The following CTNNA3 variants were observed in gnomAD, a reference collection of about 807,000 sequenced individuals.
CTNNA3 encodes the protein catenin alpha 3, also known as catenin alpha-3.
In CTNNA3, 76 loss-of-function variants were observed where a neutral mutation model predicts 95.7. That is an observed-to-expected ratio of 0.79 (90% CI 0.66 to 0.96). The LOEUF is 0.96. CTNNA3 is among the 40% of genes least tolerant of loss of function. CTNNA3 has a pLI of 0.00. For synonymous variants in CTNNA3, 431 were observed against 374.4 expected (o/e 1.15, Z -1.74); for missense variants, 1,191 against 1,089.8 (o/e 1.09, Z -1.31).
At chr10:67,733,043 G>A (rs1217753388) in intron 1 of CTNNA3, among the ~76,000 whole-genome samples, 1 of 152,196 alleles carries the variant, frequency 6.6e-6, no homozygotes, top group Admixed American at 6.6e-5. Context: ...AATAGTAGCA[G>A]CTGCACATTC....
At chr10:66,868,322 G>C (rs7901912) in intron 7 of CTNNA3, among the ~76,000 whole-genome samples, 134 of 149,482 alleles carry the variant, frequency 9.0e-4, no homozygotes, top group African/African-American at 3.1e-3. Flanking sequence ...CCGAGATCGC[G>C]CCATTGCACT....
chr10:66,537,796 G>T (rs1245929706), intron 10 of CTNNA3, among the ~76,000 whole-genome samples: 7 of 151,252 alleles, frequency 4.6e-5, no homozygotes, highest in African/African-American at 1.7e-4. Flanking sequence ...CCATCCATAT[G>T]AATTTTTTTA....
chr10:65,920,580 T>A lies in CTNNA3; in HGVS notation c.2438A>T (p.Asn813Ile). ...SVTSLIQAAK[N>I]LMNAVVQTVK... ...TGTTTGCACTACAGCATTCATTAAA[T>A]TTTTGGCTGCTTGGATCAGGGATGT... Residue 813 changes from asparagine (N) to isoleucine (I), a missense_variant, in exon 18 of 18, where the codon AAT (asparagine) becomes ATT (isoleucine). Coordinates refer to ENST00000433211, the MANE Select transcript of CTNNA3 (RefSeq NM_013266.4). 1.9e-6 allele frequency: 3 copies of A among 1,614,080 alleles called. No homozygotes were observed. Among genetic ancestry groups the A allele is most frequent in the Non-Finnish European group, 2.5e-6 (3 of 1,179,954 alleles).
intron 14 of CTNNA3, among the ~76,000 whole-genome samples, chr10:66,073,351 T>C (rs2080480966): frequency 6.6e-6 from 1 of 152,150 alleles, no homozygotes; most frequent in Non-Finnish European, 1.5e-5. Flanking sequence ...AGTGTACATA[T>C]AGGTCAGCTA....
At position 67,010,204 on chromosome 10, in the gene CTNNA3, A is replaced by C. The variant is rs138380623; in HGVS notation, c.1047+170113T>G. Among the ~76,000 whole-genome samples, 271 of 152,274 alleles carry C rather than the reference A, an allele frequency of 1.8e-3. 4 individuals are homozygous for C. Among genetic ancestry groups the C allele is most frequent in the Non-Finnish European group, 4.0e-4 (27 of 68,020 alleles). Reference sequence around the variant, plus strand: ...GATTACACATATCATTTATAAATACATATTGTTCTTTAGAAAAGTTATTAT... The same window carrying C: ...GATTACACATATCATTTATAAATACCTATTGTTCTTTAGAAAAGTTATTAT... On this transcript the variant is annotated intron_variant, in intron 7 of 17. Transcript: ENST00000433211.
At position 66,088,482 on chromosome 10, in the gene CTNNA3, G is replaced by GTT. The variant is rs914242706; in HGVS notation, c.1977+14673_1977+14674dup. On this transcript the variant is annotated intron_variant, in intron 14 of 17. Coordinates refer to ENST00000433211, the MANE Select transcript of CTNNA3 (RefSeq NM_013266.4). Reference sequence around the variant, plus strand: ...TTCATATTTATGTAGATAGGTAGGTGTTTTGTGTGTGTGTGTGTGTGTGTG... The same window carrying GTT: ...TTCATATTTATGTAGATAGGTAGGTGTTTTTTGTGTGTGTGTGTGTGTGTGTG... Among the ~76,000 whole-genome samples, 11 of 128,144 alleles carry GTT rather than the reference G, an allele frequency of 8.6e-5. No individual in the cohort carries two copies. In the South Asian group the frequency reaches 1.5e-3, roughly 17 times the overall value. 84.1% of individuals were successfully genotyped at this position (128,144 alleles called of 152,430 possible).
At chr10:66,044,984 A>G (rs886346852) in intron 15 of CTNNA3, among the ~76,000 whole-genome samples, 3 of 152,188 alleles carry the variant, frequency 2.0e-5, no homozygotes, top group African/African-American at 4.8e-5. Flanking sequence ...TCAGGATTCA[A>G]TAGTGGTGTG....
At chr10:67,272,257 A>T (rs576307813) in intron 5 of CTNNA3, among the ~76,000 whole-genome samples, 2 of 152,262 alleles carry the variant, frequency 1.3e-5, no homozygotes, top group South Asian at 4.1e-4. Context: ...CAATTTTTTT[A>T]AATGTCCATT....
chr10:66,039,271 C>T (rs534418128), intron 15 of CTNNA3, among the ~76,000 whole-genome samples: 2 of 152,258 alleles, frequency 1.3e-5, no homozygotes, highest in African/African-American at 4.8e-5. Flanking sequence ...GAAAAACATT[C>T]CTACTAGGAA....
chr10:67,702,174 A>T (rs1481146473), intron 1 of CTNNA3, among the ~76,000 whole-genome samples: 1 of 152,134 alleles, frequency 6.6e-6, no homozygotes, highest in Non-Finnish European at 1.5e-5. Context: ...TACAATAATA[A>T]TGGGAGACTT....
intron 5 of CTNNA3, among the ~76,000 whole-genome samples, chr10:67,284,166 A>G (rs897094840): frequency 1.3e-5 from 2 of 152,178 alleles, no homozygotes; most frequent in Non-Finnish European, 2.9e-5. Context: ...TCTTGTATCA[A>G]TTCTGCCATT....
chr10:66,979,982 G>A lies in CTNNA3; in HGVS notation c.1047+200335C>T, dbSNP rs1376830442. 2.6e-5 allele frequency among the ~76,000 whole-genome samples: 4 copies of A among 152,234 alleles called. No individual in the cohort carries two copies. The East Asian group carries it at 7.7e-4, about 29-fold the overall frequency. On this transcript the variant is annotated intron_variant, in intron 7 of 17. Transcript: ENST00000433211. Reference sequence around the variant, plus strand: ...GGTTCCATCAAGTTTTTATTCTTTTGTGTTCAAAAGAAGAGGAAGGAAAAC... The same window carrying A: ...GGTTCCATCAAGTTTTTATTCTTTTATGTTCAAAAGAAGAGGAAGGAAAAC...
At chr10:66,260,388 A>G (rs1645174179) in intron 13 of CTNNA3, among the ~76,000 whole-genome samples, 1 of 152,108 alleles carries the variant, frequency 6.6e-6, no homozygotes, top group African/African-American at 2.4e-5. Context: ...TGTTTTGCCA[A>G]GACCTAAGTT....
intron 10 of CTNNA3, among the ~76,000 whole-genome samples, chr10:66,551,003 AT>A (rs1044860996): frequency 6.7e-6 from 1 of 148,432 alleles, no homozygotes; most frequent in East Asian, 2.0e-4. Flanking sequence ...CCAGATAATT[AT>A]TTTTTCTTTA....
At chr10:66,803,043 C>T (rs912785732) in intron 7 of CTNNA3, among the ~76,000 whole-genome samples, 6 of 151,782 alleles carry the variant, frequency 4.0e-5, no homozygotes, top group Admixed American at 1.3e-4. Flanking sequence ...ATGAGTTACA[C>T]CCATGTACAT....
At chr10:66,960,146 T>C (rs941949940) in intron 7 of CTNNA3, among the ~76,000 whole-genome samples, 3 of 152,128 alleles carry the variant, frequency 2.0e-5, no homozygotes, top group African/African-American at 7.2e-5. Context: ...CTCTGCCTTC[T>C]CTCTCTGCAG....
At chr10:67,546,363 C>T (rs1840843871) in intron 3 of CTNNA3, among the ~76,000 whole-genome samples, 1 of 152,082 alleles carries the variant, frequency 6.6e-6, no homozygotes, top group African/African-American at 2.4e-5. Context: ...GAACTCCTGG[C>T]CTCAAGTGAT....
intron 13 of CTNNA3, among the ~76,000 whole-genome samples, chr10:66,105,587 T>G (rs1408158305): frequency 2.6e-5 from 4 of 152,358 alleles, no homozygotes; most frequent in Non-Finnish European, 4.4e-5. Flanking sequence ...CAATTGCTGC[T>G]ATCAGAAGTC....
At chr10:66,928,625 T>A (rs1471558028) in intron 7 of CTNNA3, among the ~76,000 whole-genome samples, 1 of 152,146 alleles carries the variant, frequency 6.6e-6, no homozygotes, top group African/African-American at 2.4e-5. Context: ...ATACTGGTCA[T>A]TTTCCTCTCA....
Sources: gnomAD v4.1 joint callset for allele counts (sites outside exome capture counted in the v4.1 genomes callset) on GRCh38, gnomAD v4.1.1 for gene constraint, MANE v1.5 for transcripts, NCBI Gene and HGNC (gene_info 2026-07-23, HGNC 2026-07-21) for gene names.